Variants in SPSB4 observed in about 807,000 individuals in gnomAD.
The protein encoded by SPSB4 is SPRY domain-containing SOCS box protein 4.
In SPSB4, 21 loss-of-function variants were observed where a neutral mutation model predicts 20.9. The ratio of observed to expected loss-of-function variants is 1.01; its 90% CI spans 0.71 to 1.45. The LOEUF (loss-of-function observed/expected upper bound fraction) is 1.45, where lower values mean the gene tolerates loss of function less well. Among genes scored for constraint, SPSB4 ranks in the 40% most tolerant of loss-of-function variants. The probability of loss-of-function intolerance (pLI) is 0.00; values close to 1 mark genes in which losing one functional copy is unlikely to be tolerated. For missense variants in SPSB4, 399 were observed against 399.2 expected (o/e 1.00, Z 0.00); for synonymous variants, 207 against 183.8 (o/e 1.13, Z -1.02).
In SPSB4 at chr3:141,147,316, C is replaced by G; in HGVS notation, c.*47C>G. 1 of 1,608,998 alleles carries G rather than the reference C, an allele frequency of 6.2e-7. No individual in the cohort carries two copies. Among genetic ancestry groups the G allele is most frequent in the Non-Finnish European group, 8.5e-7 (1 of 1,176,626 alleles). On this transcript the variant is annotated 3_prime_UTR_variant, in exon 3 of 3. Coordinates refer to ENST00000310546, the MANE Select transcript of SPSB4 (RefSeq NM_080862.3). ...AGACACAGACACACACCGCAGGGCC[C>G]GACCCTCCTGTCATTCACAGTCCCA... is the stretch of plus-strand genomic sequence containing the variant.
chr3:141,076,528 T>C (rs1401664334), intron 2 of SPSB4, among the ~76,000 whole-genome samples: 1 of 152,260 alleles, frequency 6.6e-6, no homozygotes, highest in Non-Finnish European at 1.5e-5. Context: ...TCCACCGCCC[T>C]GCACAAAGGC....
At chr3:141,099,019 A>C (rs909022143) in intron 2 of SPSB4, among the ~76,000 whole-genome samples, 1 of 152,120 alleles carries the variant, frequency 6.6e-6, no homozygotes, top group African/African-American at 2.4e-5. Context: ...CCCTCCCAAG[A>C]TACTAACCCA....
chr3:141,075,892 CAA>C (rs532646509), intron 2 of SPSB4, among the ~76,000 whole-genome samples: 86 of 68,846 alleles, frequency 1.2e-3, no homozygotes, highest in East Asian at 6.1e-3. Flanking sequence ...ACTAAAAATA[CAA>C]AAAAAAAAAA....
chr3:141,108,586 T>C (rs945610300), intron 2 of SPSB4, among the ~76,000 whole-genome samples: 19 of 152,206 alleles, frequency 1.2e-4, no homozygotes, highest in African/African-American at 4.6e-4. Context: ...CTGTGCTAGG[T>C]CCTGGGGTAC....
intron 2 of SPSB4, among the ~76,000 whole-genome samples, chr3:141,116,330 C>G (rs1306459825): frequency 6.6e-6 from 1 of 152,330 alleles, no homozygotes; most frequent in South Asian, 2.1e-4. Flanking sequence ...GGATTGAACC[C>G]GTTAGTTGCT....
chr3:141,071,868 A>G (rs1046872038), intron 2 of SPSB4, among the ~76,000 whole-genome samples: 3 of 152,228 alleles, frequency 2.0e-5, no homozygotes, highest in Non-Finnish European at 4.4e-5. Context: ...TATTGGCTCA[A>G]TGGCTGAGCA....
chr3:141,140,217 T>C (rs1288289533), intron 2 of SPSB4, among the ~76,000 whole-genome samples: 1 of 152,204 alleles, frequency 6.6e-6, no homozygotes, highest in East Asian at 1.9e-4. Flanking sequence ...GCATTGGTTA[T>C]TCTAGTTATC....
chr3:141,109,685 C>T (rs1029590765), intron 2 of SPSB4, among the ~76,000 whole-genome samples: 1 of 152,082 alleles, frequency 6.6e-6, no homozygotes, highest in Non-Finnish European at 1.5e-5. Flanking sequence ...CCTCTTCCTC[C>T]CCATCTTACA....
chr3:141,138,497 C>G (rs1939267169), intron 2 of SPSB4, among the ~76,000 whole-genome samples: 1 of 152,150 alleles, frequency 6.6e-6, no homozygotes, highest in Non-Finnish European at 1.5e-5. Context: ...CCTCTACACA[C>G]TGCTTTGAAT....
Position 141,066,677 on chromosome 3 carries a change from C to A in SPSB4, c.573C>A (p.Ile191=), listed in dbSNP as rs775433419. The A allele has an allele frequency of 9.9e-6, 16 of 1,613,290 alleles. No homozygotes were observed. Among genetic ancestry groups the A allele is most frequent in the Non-Finnish European group, 1.0e-5 (12 of 1,179,836 alleles). Reference sequence around the variant, plus strand: ...TGGATGAGGGCACACTCAGCTTCATCGTGGATGGCCAGTACCTGGGCGTGG... The same window carrying A: ...TGGATGAGGGCACACTCAGCTTCATAGTGGATGGCCAGTACCTGGGCGTGG... ...LDMDEGTLSF[I]VDGQYLGVAF... is the part of the protein sequence containing the mutation. Residue 191 remains isoleucine (I), a synonymous_variant, in exon 2 of 3, where the codon ATC becomes ATA. Coordinates refer to ENST00000310546, the MANE Select transcript of SPSB4 (RefSeq NM_080862.3).
intron 2 of SPSB4, among the ~76,000 whole-genome samples, chr3:141,099,815 C>G (rs1938590092): frequency 1.3e-5 from 2 of 152,148 alleles, no homozygotes; most frequent in Non-Finnish European, 1.5e-5. Flanking sequence ...GGTACTGAGG[C>G]CATCCCCCCT....
intron 2 of SPSB4, among the ~76,000 whole-genome samples, chr3:141,133,801 G>A (rs1028779125): frequency 1.3e-5 from 2 of 152,016 alleles, no homozygotes; most frequent in African/African-American, 4.8e-5. Context: ...TTTTAGGATT[G>A]TTTTCTCTTG....
At chr3:141,104,243 G>A (rs1184812567) in intron 2 of SPSB4, among the ~76,000 whole-genome samples, 1 of 152,204 alleles carries the variant, frequency 6.6e-6, no homozygotes, top group African/African-American at 2.4e-5. Context: ...GGGCTGGAGG[G>A]AGAGGGCAGG....
chr3:141,069,443 T>C (rs1937951835), intron 2 of SPSB4, among the ~76,000 whole-genome samples: 1 of 152,150 alleles, frequency 6.6e-6, no homozygotes, highest in Non-Finnish European at 1.5e-5. Context: ...ATTCTGTGCA[T>C]GGAAAGGATT....
At chr3:141,098,435 A>C (rs1365176938) in intron 2 of SPSB4, among the ~76,000 whole-genome samples, 4 of 152,110 alleles carry the variant, frequency 2.6e-5, no homozygotes, top group Admixed American at 6.5e-5. Context: ...CCATTTATTC[A>C]GCTTTTGTTA....
chr3:141,091,535 T>A (rs781511173), intron 2 of SPSB4, among the ~76,000 whole-genome samples: 50 of 152,196 alleles, frequency 3.3e-4, no homozygotes, highest in Non-Finnish European at 2.6e-4. Flanking sequence ...AGGCAGGACA[T>A]AATCCTTCCC....
At chr3:141,054,538 GGT>G (rs1160519699) in intron 1 of SPSB4, among the ~76,000 whole-genome samples, 1 of 152,190 alleles carries the variant, frequency 6.6e-6, no homozygotes, top group Non-Finnish European at 1.5e-5. Flanking sequence ...AGTTGTGGGT[GGT>G]GTGCCCTTTG....
rs1939427406 is a variant in SPSB4, at chr3:141,147,192, C to A, written c.745C>A (p.Leu249Met). 6.2e-7 allele frequency: 1 copy of A among 1,614,218 alleles called. No homozygotes were observed. The highest frequency in any genetic ancestry group is 8.5e-7 in the Non-Finnish European group (1 of 1,180,034). The change falls in exon 3 of 3, where the codon CTG becomes ATG. Residue 249 changes from leucine to methionine, a missense_variant. Leu to Met is a conservative substitution (Grantham distance 15). Transcript: ENST00000310546. ...DLCRRSIRSA[L>M]GRQRLQDISS... Reference sequence around the variant, plus strand: ...GTGCCGGAGATCCATCCGCTCGGCCCTGGGCCGCCAGCGCCTGCAGGACAT... The same window carrying A: ...GTGCCGGAGATCCATCCGCTCGGCCATGGGCCGCCAGCGCCTGCAGGACAT...
chr3:141,146,255 A>T (rs2107810026), intron 2 of SPSB4, among the ~76,000 whole-genome samples: 1 of 152,260 alleles, frequency 6.6e-6, no homozygotes, highest in East Asian at 1.9e-4. Flanking sequence ...TCCATTATTT[A>T]TGGATTTTAA....
Sources: gnomAD v4.1 joint callset for allele counts (sites outside exome capture counted in the v4.1 genomes callset) on GRCh38, gnomAD v4.1.1 for gene constraint, MANE v1.5 for transcripts, NCBI Gene and HGNC (gene_info 2026-07-23, HGNC 2026-07-21) for gene names.